Variants in SEMA3A observed in about 807,000 individuals in gnomAD.
SEMA3A encodes semaphorin 3A, also known as semaphorin-3A.
A neutral mutation model predicts 97.9 loss-of-function variants in SEMA3A; 29 were observed. The ratio of observed to expected loss-of-function variants is 0.30; its 90% CI spans 0.22 to 0.40. The LOEUF (loss-of-function observed/expected upper bound fraction) is 0.40. SEMA3A is among the 10% of genes least tolerant of loss of function. SEMA3A has a pLI of 1.00. For synonymous variants in SEMA3A, 321 were observed against 323.7 expected, an observed-to-expected ratio of 0.99 and a Z score of 0.09; for missense variants, 763 against 951.3, an observed-to-expected ratio of 0.80 and a Z score of 2.60.
intron 1 of SEMA3A, among the ~76,000 whole-genome samples, chr7:84,408,905 G>A (rs1365310689): frequency 6.6e-6 from 1 of 151,886 alleles, no homozygotes; most frequent in Admixed American, 6.6e-5. Flanking sequence ...GGGGTTGGGG[G>A]AGCGGGGAGG....
At chr7:84,094,330 CTT>C (rs5885398) in intron 4 of SEMA3A, among the ~76,000 whole-genome samples, 19 of 147,744 alleles carry the variant, frequency 1.3e-4, no homozygotes, top group East Asian at 9.9e-4. Context: ...AAGTTTTTGC[CTT>C]TTTTTTTTTC....
In SEMA3A at chr7:84,290,513, C is replaced by G. The variant is rs1800714731; in HGVS notation, c.-83+16694G>C. Among the ~76,000 whole-genome samples the G allele has an allele frequency of 2.0e-5, 3 of 151,990 alleles. No individual in the cohort carries two copies. In the South Asian group the frequency reaches 6.2e-4, roughly 32 times the overall value. On this transcript the variant is annotated intron_variant, in intron 3 of 3. Transcript: ENST00000424555. Reference sequence around the variant, plus strand: ...CTGAGTACTAGCCAGGGGATTCACACAGCTGAAGCTTCACCTTCCTTTCAC... The same window carrying G: ...CTGAGTACTAGCCAGGGGATTCACAGAGCTGAAGCTTCACCTTCCTTTCAC...
chr7:84,235,445 G>A (rs1215003574), intron 3 of SEMA3A, among the ~76,000 whole-genome samples: 2 of 151,790 alleles, frequency 1.3e-5, no homozygotes, highest in South Asian at 4.1e-4. Context: ...TTCTGGTATT[G>A]AAATTTTGAT....
intron 1 of SEMA3A, among the ~76,000 whole-genome samples, chr7:84,484,044 CAAAAAAAAGAAA>C (rs1171434477): frequency 8.0e-6 from 1 of 125,422 alleles, no homozygotes; most frequent in Non-Finnish European, 1.7e-5. Flanking sequence ...AACTCTGTCT[CAAAAAAAAGAAA>C]AAAAAAAAAA....
chr7:84,060,402 G>T (rs566297112), intron 5 of SEMA3A, 63 bp downstream of exon 5: 16 of 1,008,440 alleles, frequency 1.6e-5, no homozygotes, highest in Admixed American at 2.7e-5. Flanking sequence ...AGATAAAAAA[G>T]AACATACAAC....
At chr7:83,999,224 T>C (rs1179165518) in intron 12 of SEMA3A, among the ~76,000 whole-genome samples, 1 of 152,184 alleles carries the variant, frequency 6.6e-6, no homozygotes, top group Non-Finnish European at 1.5e-5. Context: ...ATTGTTGGTT[T>C]CCAAAGTCTC....
chr7:84,280,353 G>T (rs1009586499), intron 3 of SEMA3A, among the ~76,000 whole-genome samples: 7 of 152,170 alleles, frequency 4.6e-5, no homozygotes, highest in African/African-American at 1.7e-4. Flanking sequence ...ATGGCAGGAA[G>T]CTTGTTGTAA....
chr7:84,410,884 G>C (rs1715510), intron 1 of SEMA3A, among the ~76,000 whole-genome samples: 26,894 of 151,994 alleles, frequency 0.18, 2,524 homozygotes, highest in Middle Eastern at 0.22. Context: ...GCACCTAAGA[G>C]ACTAACTAGC....
At chr7:84,000,280 T>G (rs927731973) in intron 12 of SEMA3A, among the ~76,000 whole-genome samples, 1 of 152,092 alleles carries the variant, frequency 6.6e-6, no homozygotes, top group African/African-American at 2.4e-5. Flanking sequence ...TTGATAAGGA[T>G]TAGTCATCAC....
chr7:84,058,264 T>C (rs1275090050), intron 5 of SEMA3A, among the ~76,000 whole-genome samples: 1 of 152,204 alleles, frequency 6.6e-6, no homozygotes, highest in African/African-American at 2.4e-5. Flanking sequence ...TTTGGGAACA[T>C]AGGTTTTCCC....
rs1416573262 is a variant in SEMA3A at position 84,425,350 on chromosome 7, T to C, written c.-245-53450A>G. Among the ~76,000 whole-genome samples, 3 of 129,396 alleles carry C rather than the reference T, an allele frequency of 2.3e-5. No homozygotes were observed. The South Asian group carries it at 6.9e-4, about 30-fold the overall frequency. 84.9% of individuals were successfully genotyped at this position (129,396 alleles called of 152,430 possible). The stretch of plus-strand genomic sequence containing the variant: ...TATAAATATAATATATTGATATAAA[T>C]ATATACATATACTATATTAATATAT... On this transcript the variant is annotated intron_variant, in intron 1 of 3. Coordinates refer to the SEMA3A transcript ENST00000424555.
At chr7:84,174,391 TA>T (rs1253551177) in intron 1 of SEMA3A, among the ~76,000 whole-genome samples, 1 of 152,184 alleles carries the variant, frequency 6.6e-6, no homozygotes, top group Non-Finnish European at 1.5e-5. Context: ...ACTTAGGGTT[TA>T]AATAGTGAAA....
intron 1 of SEMA3A, among the ~76,000 whole-genome samples, chr7:84,479,474 G>C (rs532817711): frequency 6.6e-6 from 1 of 152,136 alleles, no homozygotes; most frequent in Non-Finnish European, 1.5e-5. Flanking sequence ...ACACAAAAAT[G>C]TAGACATCAT....
chr7:84,136,897 C>G (rs552530337), intron 1 of SEMA3A, among the ~76,000 whole-genome samples: 1 of 150,392 alleles, frequency 6.6e-6, no homozygotes, highest in Admixed American at 6.6e-5. Context: ...CCACCCCACT[C>G]TCCACACACA....
At chr7:84,016,102 G>A (rs563886090) in intron 6 of SEMA3A, among the ~76,000 whole-genome samples, 6 of 152,122 alleles carry the variant, frequency 3.9e-5, no homozygotes, top group African/African-American at 1.2e-4. Flanking sequence ...ATAGTGAGGA[G>A]TATGTATTCT....
At chr7:84,247,711 C>T (rs955140578) in intron 3 of SEMA3A, among the ~76,000 whole-genome samples, 5 of 152,260 alleles carry the variant, frequency 3.3e-5, no homozygotes, top group African/African-American at 1.2e-4. Context: ...CTGGAGAGTG[C>T]GTAAACCATA....
intron 3 of SEMA3A, among the ~76,000 whole-genome samples, chr7:84,118,101 G>A (rs558371538): frequency 1.3e-5 from 2 of 152,254 alleles, no homozygotes; most frequent in South Asian, 4.1e-4. Context: ...AGTTAATAGA[G>A]TTTAAGCCTA....
chr7:84,182,328 G>A (rs1403089938), intron 1 of SEMA3A, among the ~76,000 whole-genome samples: 1 of 151,972 alleles, frequency 6.6e-6, no homozygotes, highest in African/African-American at 2.4e-5. Context: ...GTGTCTTCAT[G>A]GACCAAGTCA....
At chr7:84,393,013 T>C (rs1803625941) in intron 1 of SEMA3A, among the ~76,000 whole-genome samples, 1 of 152,178 alleles carries the variant, frequency 6.6e-6, no homozygotes, top group Admixed American at 6.6e-5. Context: ...ACATTGTTAG[T>C]TGTTTCCTTT....
Sources: gnomAD v4.1 joint callset for allele counts (sites outside exome capture counted in the v4.1 genomes callset) on GRCh38, gnomAD v4.1.1 for gene constraint, MANE v1.5 for transcripts, NCBI Gene and HGNC (gene_info 2026-07-23, HGNC 2026-07-21) for gene names.